Variants in RFWD3 observed in about 807,000 individuals in gnomAD.
RFWD3 encodes the protein ring finger and WD repeat domain 3.
Under a neutral mutation model 87.7 loss-of-function variants are expected in RFWD3, and 65 were observed. That is an observed-to-expected ratio of 0.74 (90% CI 0.61 to 0.91). The LOEUF is 0.91. Among genes scored for constraint, RFWD3 ranks in the 40% least tolerant of loss-of-function variants. The probability of loss-of-function intolerance (pLI) is 0.00; values close to 1 mark genes in which losing one functional copy is unlikely to be tolerated. For synonymous variants in RFWD3, 433 were observed against 352.8 expected (o/e 1.23, Z -2.55); for missense variants, 1,078 against 938.5 (o/e 1.15, Z -1.94).
chr16:74,655,930 A>C (rs1960944453), intron 2 of RFWD3, among the ~76,000 whole-genome samples: 1 of 152,208 alleles, frequency 6.6e-6, no homozygotes, highest in Non-Finnish European at 1.5e-5. Context: ...CTATTCAGAA[A>C]AAAGGATTCC....
At chr16:74,625,640 G>A (rs1008280113) in intron 12 of RFWD3, among the ~76,000 whole-genome samples, 1 of 152,098 alleles carries the variant, frequency 6.6e-6, no homozygotes, top group Admixed American at 6.6e-5. Flanking sequence ...ACCCGGACTT[G>A]TGTATATGCT....
intron 1 of RFWD3, 187 bp downstream of exon 1, chr16:74,666,599 G>T (rs1961944903): frequency 6.6e-6 from 1 of 152,260 alleles, no homozygotes; most frequent in Non-Finnish European, 1.5e-5. Flanking sequence ...CGGGGGTTCG[G>T]GCTCCTTAGC....
At chr16:74,644,936 C>T (rs925261963) in intron 4 of RFWD3, among the ~76,000 whole-genome samples, 1 of 152,166 alleles carries the variant, frequency 6.6e-6, no homozygotes, top group African/African-American at 2.4e-5. Flanking sequence ...AACTATACTA[C>T]TCTTAAATCT....
chr16:74,636,063 T>C (rs546816907), intron 8 of RFWD3, among the ~76,000 whole-genome samples: 6 of 152,344 alleles, frequency 3.9e-5, no homozygotes, highest in Non-Finnish European at 7.3e-5. Context: ...TGAGGACATA[T>C]AAGTCCTTCT....
At chr16:74,660,835 T>A in intron 2 of RFWD3, 97 bp downstream of exon 2, 2 of 1,410,910 alleles carry the variant, frequency 1.4e-6, no homozygotes, top group Non-Finnish European at 1.9e-6. Flanking sequence ...TTACCTGACT[T>A]GCCAAAAGTC....
At chr16:74,634,415 C>T (rs1229651792) in intron 8 of RFWD3, among the ~76,000 whole-genome samples, 1 of 152,044 alleles carries the variant, frequency 6.6e-6, no homozygotes, top group African/African-American at 2.4e-5. Context: ...GACAAGGCCT[C>T]ACTCTGTCAC....
At position 74,640,572 on chromosome 16, in the gene RFWD3, G is replaced by C. The variant is rs1040079875; in HGVS notation, c.1080-2602C>G. ...GCTACTCAGGATGCTGAGGTTGGAGGACTGCTTGAGCCTAGGAATCTGATG... is the reference window on the plus strand; with the variant it reads ...GCTACTCAGGATGCTGAGGTTGGAGCACTGCTTGAGCCTAGGAATCTGATG... On this transcript the variant is annotated intron_variant, in intron 6 of 12. Transcript: ENST00000361070. Among the ~76,000 whole-genome samples, 5 of 152,034 alleles carry C rather than the reference G, an allele frequency of 3.3e-5. No homozygotes were observed. The East Asian group carries it at 5.8e-4, about 18-fold the overall frequency.
chr16:74,661,515 G>A, intron 1 of RFWD3, 64 bp from the exon 2 acceptor site: 1 of 1,323,294 alleles, frequency 7.6e-7, no homozygotes, highest in Non-Finnish European at 1.0e-6. Context: ...GTAGGTGACA[G>A]AATCATATTT....
Position 74,632,600 on chromosome 16 carries a change from G to A in RFWD3, c.1500C>T (p.Ile500=), listed in dbSNP as rs754469109. The stretch of plus-strand genomic sequence containing the variant: ...GGTAACTGCTAAACGCCAGTCCACG[G>A]ATCTGTTTGCCATGCATCGGAATGT... The part of the protein sequence containing the change: ...SQYIPMHGKQ[I]RGLAFSSYLR... The change falls in exon 9 of 13, where the codon ATC becomes ATT. Residue 500 remains isoleucine, a synonymous_variant. Coordinates refer to ENST00000361070, the MANE Select transcript of RFWD3 (RefSeq NM_018124.4). 1.9e-6 allele frequency: 3 copies of A among 1,614,096 alleles called. No homozygotes were observed. The highest frequency in any genetic ancestry group is 1.7e-6 in the Non-Finnish European group (2 of 1,179,998).
intron 9 of RFWD3, 81 bp downstream of exon 9, chr16:74,632,442 G>C (rs1427766148): frequency 6.2e-5 from 90 of 1,455,932 alleles, no homozygotes; most frequent in Non-Finnish European, 7.9e-5. Flanking sequence ...ACAGAGCTAA[G>C]GTCATCATAA....
chr16:74,626,403 G>A lies in RFWD3; in HGVS notation c.2121C>T (p.Ser707=). 6.2e-7 allele frequency: 1 copy of A among 1,614,178 alleles called. No individual in the cohort carries two copies. Among genetic ancestry groups the A allele is most frequent in the African/African-American group, 1.3e-5 (1 of 75,048 alleles). Residue 707 remains serine (S), a synonymous_variant, in exon 12 of 13, where the codon AGC becomes AGT. Coordinates refer to ENST00000361070, the MANE Select transcript of RFWD3 (RefSeq NM_018124.4). The stretch of plus-strand genomic sequence containing the variant: ...CCAGGATGTTGCCATCATTCTCTGG[G>A]CTTTGGAAAATGGCATTTTTGGTCA... The part of the protein sequence containing the change: ...KLLTKNAIFQ[S]PENDGNILVC...
Position 74,644,726 on chromosome 16 carries a change from G to C in RFWD3, c.802C>G (p.Gln268Glu). 1 of 1,611,048 alleles carries C rather than the reference G, an allele frequency of 6.2e-7. No individual in the cohort carries two copies. Residue 268 changes from glutamine to glutamate, a missense_variant, in exon 5 of 13, where the codon CAG becomes GAG. Gln to Glu is a conservative substitution (Grantham distance 29). Transcript: ENST00000361070. ...GAAGGTAGCAGAGGCTCAGACTTCT[G>C]GGGAGATGGCTAGATGGAAAGCAGA... ...GKTLPKQPSP[Q>E]KSEPLLPSAS... is the part of the protein sequence containing the mutation.
At chr16:74,643,682 T>C (rs865897604) in intron 6 of RFWD3, among the ~76,000 whole-genome samples, 12 of 114,930 alleles carry the variant, frequency 1.0e-4, no homozygotes, top group Admixed American at 3.4e-4. Context: ...TTTTTTTTTT[T>C]TTTTTTTTTT....
chr16:74,632,848 G>A (rs533705807), intron 8 of RFWD3, 175 bp from the exon 9 acceptor site: 1 of 591,332 alleles, frequency 1.7e-6, no homozygotes, highest in Non-Finnish European at 2.9e-6. Flanking sequence ...TTTGAGAGTT[G>A]GCCAGGCTGG....
intron 9 of RFWD3, among the ~76,000 whole-genome samples, chr16:74,631,807 G>A (rs1959103709): frequency 6.6e-6 from 1 of 151,978 alleles, no homozygotes; most frequent in Admixed American, 6.6e-5. Flanking sequence ...AAACTTTAAA[G>A]ACGGGGTTTC....
At chr16:74,650,933 T>C (rs1356879008) in intron 3 of RFWD3, among the ~76,000 whole-genome samples, 2 of 151,998 alleles carry the variant, frequency 1.3e-5, no homozygotes, top group East Asian at 1.9e-4. Context: ...AACTATCTGA[T>C]TGTCCAAAAT....
Position 74,661,035 on chromosome 16 carries a change from G to T in RFWD3, c.415C>A (p.Pro139Thr). 2 of 1,614,172 alleles carry T rather than the reference G, an allele frequency of 1.2e-6. No homozygotes were observed. Among genetic ancestry groups the T allele is most frequent in the Non-Finnish European group, 1.7e-6 (2 of 1,180,036 alleles). Residue 139 changes from proline (P) to threonine (T), a missense_variant, in exon 2 of 13, where the codon CCT becomes ACT. Pro to Thr is a conservative substitution (Grantham distance 38, BLOSUM62 -1). Transcript: ENST00000361070. The stretch of plus-strand genomic sequence containing the variant: ...CCTACACTGTGGTTTGAAGATGAAG[G>T]TCTCAGGAATTCCAGCATGCCATGA... Reference protein sequence around the residue: ...RLHGMLEFLRPSSSNHSVGPM... With the variant: ...RLHGMLEFLRTSSSNHSVGPM...
intron 4 of RFWD3, among the ~76,000 whole-genome samples, chr16:74,647,647 A>G (rs1176057119): frequency 1.3e-5 from 2 of 152,144 alleles, no homozygotes; most frequent in Non-Finnish European, 2.9e-5. Context: ...GCTAGAGCGC[A>G]GTGACGCTAT....
chr16:74,638,967 C>T (rs1032370112), intron 6 of RFWD3, among the ~76,000 whole-genome samples: 8 of 151,060 alleles, frequency 5.3e-5, no homozygotes, highest in African/African-American at 1.9e-4. Flanking sequence ...ATAATGAATA[C>T]TATAGGCAAT....
Sources: allele counts gnomAD v4.1 joint callset (sites outside exome capture counted in the v4.1 genomes callset), GRCh38; gene constraint gnomAD v4.1.1; transcripts MANE v1.5; gene names NCBI Gene and HGNC (gene_info 2026-07-23, HGNC 2026-07-21).